DNAH6: variants seen among roughly 807,000 people sequenced by gnomAD.
DNAH6 encodes dynein axonemal heavy chain 6.
Under a neutral mutation model 491.4 loss-of-function variants are expected in DNAH6, and 340 were observed. The ratio of observed to expected loss-of-function variants is 0.69; its 90% confidence interval spans 0.63 to 0.76. The LOEUF is 0.76. Among genes scored for constraint, DNAH6 ranks in the 30% least tolerant of loss-of-function variants. The probability of loss-of-function intolerance (pLI) is 0.00; values close to 1 mark genes in which losing one functional copy is unlikely to be tolerated. For missense variants in DNAH6, 4,443 were observed against 4,972.2 expected (o/e 0.89, Z 3.20); for synonymous variants, 1,603 against 1,686.1 (o/e 0.95, Z 1.21).
At chr2:84,688,894 G>A (rs758502635) in intron 45 of DNAH6, among the ~76,000 whole-genome samples, 2 of 152,184 alleles carry the variant, frequency 1.3e-5, no homozygotes, top group Non-Finnish European at 2.9e-5. Flanking sequence ...TACATGTACG[G>A]TATAACAATG....
the DNAH6 span, among the ~76,000 whole-genome samples, chr2:84,486,675 A>G: frequency 6.6e-6 from 1 of 152,314 alleles, no homozygotes; most frequent in Non-Finnish European, 1.5e-5. Context: ...TTTATTGCCC[A>G]TACAAACCTG....
intron 62 of DNAH6, among the ~76,000 whole-genome samples, chr2:84,741,238 A>G (rs981770458): frequency 1.3e-4 from 20 of 152,192 alleles, no homozygotes; most frequent in African/African-American, 4.8e-4. Flanking sequence ...GCCAAGGATG[A>G]GGCACAGCTC....
At chr2:84,566,980 T>C (rs1471915627) in intron 11 of DNAH6, among the ~76,000 whole-genome samples, 1 of 151,986 alleles carries the variant, frequency 6.6e-6, no homozygotes, top group African/African-American at 2.4e-5. Context: ...AATATATAAA[T>C]TAGGGATCTA....
intron 14 of DNAH6, among the ~76,000 whole-genome samples, chr2:84,583,728 C>T (rs960933271): frequency 7.9e-5 from 12 of 152,208 alleles, no homozygotes; most frequent in Admixed American, 7.2e-4. Context: ...TTTCCCTGCA[C>T]AAGTTCTCTT....
At chr2:84,665,852 A>G (rs908566897) in intron 37 of DNAH6, among the ~76,000 whole-genome samples, 8 of 152,244 alleles carry the variant, frequency 5.3e-5, no homozygotes, top group Non-Finnish European at 1.0e-4. Context: ...AAAATCCTCA[A>G]TAAAATGCTG....
chr2:84,803,413 C>T (rs752446079), intron 70 of DNAH6, among the ~76,000 whole-genome samples: 5 of 152,000 alleles, frequency 3.3e-5, no homozygotes, highest in Non-Finnish European at 7.4e-5. Flanking sequence ...GCAATATATC[C>T]GTGTAACAAA....
chr2:84,578,593 A>G (rs1283609199), intron 13 of DNAH6, among the ~76,000 whole-genome samples: 2 of 152,224 alleles, frequency 1.3e-5, no homozygotes, highest in African/African-American at 4.8e-5. Flanking sequence ...GATTGTCAAA[A>G]GCTCCACAAG....
intron 10 of DNAH6, among the ~76,000 whole-genome samples, chr2:84,557,373 G>A (rs967931393): frequency 7.9e-5 from 12 of 152,104 alleles, no homozygotes; most frequent in Admixed American, 1.3e-4. Flanking sequence ...TAGGCCGGGC[G>A]CGGTGGCTCA....
intron 70 of DNAH6, among the ~76,000 whole-genome samples, chr2:84,799,090 C>T (rs1222829740): frequency 6.6e-6 from 1 of 151,582 alleles, no homozygotes; most frequent in African/African-American, 2.4e-5. Context: ...CAGGTTTGAG[C>T]AGTTCTCCTG....
intron 3 of DNAH6, 23 bp downstream of exon 3, chr2:84,525,761 T>C (rs1453366088): frequency 6.7e-7 from 1 of 1,499,928 alleles, no homozygotes; most frequent in Admixed American, 2.3e-5. Context: ...AATACTTAAT[T>C]GATTCTTTTA....
At chr2:84,772,253 TCTAA>T (rs1250328090) in intron 64 of DNAH6, among the ~76,000 whole-genome samples, 26 of 152,062 alleles carry the variant, frequency 1.7e-4, no homozygotes, top group African/African-American at 4.8e-4. Context: ...AAAATCAATA[TCTAA>T]CTAACAAAAA....
intron 64 of DNAH6, among the ~76,000 whole-genome samples, chr2:84,768,787 A>T (rs1675336224): frequency 6.6e-6 from 1 of 152,228 alleles, no homozygotes; most frequent in African/African-American, 2.4e-5. Context: ...ATGCCACCAA[A>T]TCAAAATACC....
At chr2:84,658,562 A>G in intron 36 of DNAH6, 88 bp downstream of exon 36, 2 of 960,588 alleles carry the variant, frequency 2.1e-6, no homozygotes, top group East Asian at 2.9e-5. Flanking sequence ...ATTCTAAAAT[A>G]TAACCATTTG....
At chr2:84,469,690 A>G in the DNAH6 span, among the ~76,000 whole-genome samples, 1 of 152,182 alleles carries the variant, frequency 6.6e-6, no homozygotes, top group Non-Finnish European at 1.5e-5. The surrounding 1 kb of genome is among the most constrained non-coding windows in gnomAD (Gnocchi z 4.0). Context: ...CAGCAGTCCC[A>G]TCAGCTCTCA....
upstream of DNAH6, among the ~76,000 whole-genome samples, chr2:84,515,046 T>C (rs765873187): frequency 8.5e-5 from 13 of 152,206 alleles, no homozygotes; most frequent in Non-Finnish European, 1.6e-4. Context: ...AAATTTTCAC[T>C]GCACATCTGA....
chr2:84,753,037 C>A (rs1256354186), intron 63 of DNAH6, among the ~76,000 whole-genome samples: 1 of 152,188 alleles, frequency 6.6e-6, no homozygotes. Flanking sequence ...TATGAGGGTT[C>A]CAATTTCTCC....
chr2:84,506,173 C>G, the DNAH6 span, among the ~76,000 whole-genome samples: 9 of 152,182 alleles, frequency 5.9e-5, no homozygotes, highest in Admixed American at 5.9e-4. Context: ...GCAGTCCCAC[C>G]AACAGTGTAA....
chr2:84,643,253 A>G (rs75090959), intron 33 of DNAH6, among the ~76,000 whole-genome samples: 10,507 of 150,364 alleles, frequency 0.07, 1,209 homozygotes, highest in African/African-American at 0.24. Flanking sequence ...TTGCTCATCT[A>G]TAGGTAAAGT....
intron 12 of DNAH6, among the ~76,000 whole-genome samples, chr2:84,576,828 G>C (rs1362344602): frequency 6.6e-6 from 1 of 152,146 alleles, no homozygotes; most frequent in African/African-American, 2.4e-5. Flanking sequence ...GATAATTTTA[G>C]CTATGTGTGA....
Sources: allele counts gnomAD v4.1 joint callset (sites outside exome capture counted in the v4.1 genomes callset), GRCh38; gene constraint gnomAD v4.1.1; non-coding constraint Gnocchi (gnomAD v3.1); transcripts MANE v1.5; gene names NCBI Gene and HGNC (gene_info 2026-07-23, HGNC 2026-07-21).